The following NLRP9 variants were observed in gnomAD, a reference collection of about 807,000 sequenced individuals.
NLRP9 encodes the protein NLR family pyrin domain containing 9, also known as NACHT, LRR and PYD domains-containing protein 9.
A neutral mutation model predicts 83.1 loss-of-function variants in NLRP9; 88 were observed. The ratio of observed to expected loss-of-function variants is 1.06; its 90% CI spans 0.89 to 1.26. NLRP9 has a LOEUF of 1.26. Ranked by LOEUF, NLRP9 falls within the 50% of genes most tolerant of loss-of-function variation. The pLI is 0.00. For missense variants in NLRP9, 1,308 were observed against 1,179.3 expected (o/e 1.11, Z -1.60); for synonymous variants, 521 against 447.6 (o/e 1.16, Z -2.07).
intron 3 of NLRP9, among the ~76,000 whole-genome samples, chr19:55,725,502 G>A (rs921341943): frequency 6.6e-6 from 1 of 152,296 alleles, no homozygotes; most frequent in African/African-American, 2.4e-5. Flanking sequence ...GAGTAGGCCA[G>A]AATCAAAACA....
Position 55,715,119 on chromosome 19 carries a change from C to T in NLRP9, c.2437G>A (p.Asp813Asn). Residue 813 changes from aspartate (D) to asparagine (N), a missense_variant, in exon 6 of 9, where the codon GAT becomes AAT. Coordinates refer to ENST00000332836, the MANE Select transcript of NLRP9 (RefSeq NM_176820.4). ...LLDLGSNALEDNGVASLCAAL... is the reference protein window; with the variant it reads ...LLDLGSNALENNGVASLCAAL... ...GCACACAGAGATGCCACTCCATTAT[C>T]TTCCAGGGCATTTGAGCCCAGATCG... is the stretch of plus-strand genomic sequence containing the variant. 6.2e-7 allele frequency: 1 copy of T among 1,613,266 alleles called. No individual in the cohort carries two copies. Among genetic ancestry groups the T allele is most frequent in the Non-Finnish European group, 8.5e-7 (1 of 1,179,906 alleles).
At chr19:55,734,526 CATAT>C (rs34937854) in intron 1 of NLRP9, among the ~76,000 whole-genome samples, 18 of 107,826 alleles carry the variant, frequency 1.7e-4, no homozygotes, top group African/African-American at 3.9e-4. Context: ...TACACACACA[CATAT>C]ATATATATAT....
At chr19:55,713,315 T>C (rs991257333) in intron 6 of NLRP9, among the ~76,000 whole-genome samples, 8 of 151,786 alleles carry the variant, frequency 5.3e-5, no homozygotes, top group South Asian at 4.2e-4. Flanking sequence ...AAATGGTAGA[T>C]AGAGGACAGA....
chr19:55,734,008 C>T (rs1423622750), intron 1 of NLRP9, among the ~76,000 whole-genome samples: 8 of 148,520 alleles, frequency 5.4e-5, no homozygotes, highest in South Asian at 2.1e-4. Context: ...CTGCAAGCTC[C>T]GCCTCCCGGG....
At chr19:55,710,748 C>T (rs974099910) in intron 8 of NLRP9, among the ~76,000 whole-genome samples, 1 of 152,180 alleles carries the variant, frequency 6.6e-6, no homozygotes, top group Admixed American at 6.6e-5. Context: ...GCTTCTTGTA[C>T]AGCCTGCAGA....
At chr19:55,729,050 CTTT>C (rs374589373) in intron 3 of NLRP9, among the ~76,000 whole-genome samples, 33 of 70,248 alleles carry the variant, frequency 4.7e-4, no homozygotes, top group African/African-American at 8.7e-4. Context: ...TTTTCTTTTT[CTTT>C]TTTTTTTTTT....
rs1352193108 is a variant in NLRP9, at chr19:55,715,057, C to T, written c.2499G>A (p.Leu833=). 3.7e-6 allele frequency: 6 copies of T among 1,606,126 alleles called. No homozygotes were observed. The highest frequency in any genetic ancestry group is 5.1e-6 in the Non-Finnish European group (6 of 1,176,782). Reference sequence around the variant, plus strand: ...AAGCAAATCATGGCCGGTCCTACCACAGCTCCCGTATGCTGCAGCCTGGGT... The same window carrying T: ...AAGCAAATCATGGCCGGTCCTACCATAGCTCCCGTATGCTGCAGCCTGGGT... ...LKHPGCSIRE[L]WLMGCFLTSD... The change falls in exon 6 of 9, where the codon CTG becomes CTA. Residue 833 remains leucine, a splice_region_variant and synonymous_variant. Transcript: ENST00000332836.
rs1355839360 is a variant in NLRP9, at chr19:55,708,776, T to C, written c.*136A>G. 2 of 591,900 alleles carry C rather than the reference T, an allele frequency of 3.4e-6. No individual in the cohort carries two copies. Among genetic ancestry groups the C allele is most frequent in the Non-Finnish European group, 5.8e-6 (2 of 342,178 alleles). 36.7% of individuals were successfully genotyped at this position (591,900 alleles called of 1,614,324 possible). A position where few individuals can be genotyped will look rare whatever the true frequency, so the allele number is the denominator to read the frequency against. On this transcript the variant is annotated 3_prime_UTR_variant, in exon 9 of 9. Coordinates refer to ENST00000332836, the MANE Select transcript of NLRP9 (RefSeq NM_176820.4). ...GAATCACACTCCATAATCATATTGC[T>C]AGAACACTTAGGGAGTACCTCTGAA...
At chr19:55,725,617 C>T (rs1402476243) in intron 3 of NLRP9, among the ~76,000 whole-genome samples, 2 of 152,110 alleles carry the variant, frequency 1.3e-5, no homozygotes, top group East Asian at 3.8e-4. Flanking sequence ...GTACCACCTG[C>T]CCGGAGATAA....
At position 55,733,142 on chromosome 19, in the gene NLRP9, A is replaced by G; in HGVS notation, c.689T>C (p.Phe230Ser). The change falls in exon 2 of 9, where the codon TTT becomes TCT. Residue 230 changes from phenylalanine (F) to serine (S), a missense_variant. Physicochemically the swap from Phe to Ser is radical, Grantham distance 155. Transcript: ENST00000332836. ...PERILFIMDG[F>S]EQLKFNLQLK... ...TTGTAAGTTAAACTTCAGTTGCTCAAAGCCATCCATGATGAACAGAATTCT... is the reference window on the plus strand; with the variant it reads ...TTGTAAGTTAAACTTCAGTTGCTCAGAGCCATCCATGATGAACAGAATTCT... 2.5e-6 allele frequency: 4 copies of G among 1,614,156 alleles called. No homozygotes were observed. Among genetic ancestry groups the G allele is most frequent in the Non-Finnish European group, 3.4e-6 (4 of 1,180,022 alleles).
chr19:55,716,893 C>T lies in NLRP9; in HGVS notation c.2165G>A (p.Gly722Glu). The change falls in exon 5 of 9, where the codon GGA becomes GAA. Residue 722 changes from glycine (G) to glutamate (E), a missense_variant. By Grantham distance (98) the Gly-to-Glu change is moderately conservative (BLOSUM62 -2). Coordinates refer to ENST00000332836, the MANE Select transcript of NLRP9 (RefSeq NM_176820.4). Reference protein sequence around the residue: ...PMCKIEELILGKCDISSEVCE... With the variant: ...PMCKIEELILEKCDISSEVCE... The stretch of plus-strand genomic sequence containing the variant: ...AACTTCACTGGAGATGTCACACTTT[C>T]CCAGTCTACATGTGAAACACACACC... 2 of 1,613,534 alleles carry T rather than the reference C, an allele frequency of 1.2e-6. No individual in the cohort carries two copies. The highest frequency in any genetic ancestry group is 1.7e-6 in the Non-Finnish European group (2 of 1,179,668).
intron 8 of NLRP9, among the ~76,000 whole-genome samples, chr19:55,710,325 C>A (rs1348032468): frequency 6.6e-6 from 1 of 152,164 alleles, no homozygotes; most frequent in Non-Finnish European, 1.5e-5. Flanking sequence ...TGCTATACAG[C>A]TCCCCGGGAC....
Position 55,722,685 on chromosome 19 carries a change from G to C in NLRP9, c.2159+1295C>G, listed in dbSNP as rs368890352. Among the ~76,000 whole-genome samples the C allele has an allele frequency of 3.5e-4, 54 of 152,208 alleles. No homozygotes were observed. The East Asian group carries it at 5.0e-3, about 14-fold the overall frequency. On this transcript the variant is annotated intron_variant, in intron 4 of 8. Transcript: ENST00000332836. ...TGGCCAGTGATTATTCTACTATAAAGATACATGCACATGTATGTTTACTGC... is the reference window on the plus strand; with the variant it reads ...TGGCCAGTGATTATTCTACTATAAACATACATGCACATGTATGTTTACTGC...
chr19:55,731,675 G>A (rs1160309487), intron 2 of NLRP9, among the ~76,000 whole-genome samples: 2 of 146,260 alleles, frequency 1.4e-5, no homozygotes, highest in African/African-American at 5.1e-5. Flanking sequence ...AGTAGGCCGA[G>A]ATCGCGCCAC....
intron 8 of NLRP9, 77 bp from the exon 9 acceptor site, chr19:55,709,121 ACCTCT>A: frequency 6.1e-6 from 6 of 984,752 alleles, no homozygotes; most frequent in South Asian, 5.4e-5. Context: ...TCTGATGTCT[ACCTCT>A]CCTCTCCTCT....
Position 55,733,473 on chromosome 19 carries a change from G to C in NLRP9, c.358C>G (p.Pro120Ala). Residue 120 changes from proline (P) to alanine (A), a missense_variant, in exon 2 of 9, where the codon CCT (proline) becomes GCT (alanine). Pro to Ala is a conservative substitution (Grantham distance 27, BLOSUM62 -1). Coordinates refer to ENST00000332836, the MANE Select transcript of NLRP9 (RefSeq NM_176820.4). Reference protein sequence around the residue: ...IWEKETCLHVPEHFYKETMKN... With the variant: ...IWEKETCLHVAEHFYKETMKN... Reference sequence around the variant, plus strand: ...ATGGTTTCTTTGTAGAAATGCTCAGGGACGTGAAGACAGGTTTCCTTCTCC... The same window carrying C: ...ATGGTTTCTTTGTAGAAATGCTCAGCGACGTGAAGACAGGTTTCCTTCTCC... 1 of 1,613,512 alleles carries C rather than the reference G, an allele frequency of 6.2e-7. No homozygotes were observed. The highest frequency in any genetic ancestry group is 2.2e-5 in the East Asian group (1 of 44,892).
At chr19:55,719,845 C>A (rs2122301161) in intron 4 of NLRP9, among the ~76,000 whole-genome samples, 1 of 152,150 alleles carries the variant, frequency 6.6e-6, no homozygotes, top group South Asian at 2.1e-4. Flanking sequence ...AATACCAAAA[C>A]CACACACAAT....
intron 1 of NLRP9, among the ~76,000 whole-genome samples, chr19:55,735,425 T>TA (rs965361224): frequency 6.6e-6 from 1 of 152,042 alleles, no homozygotes; most frequent in African/African-American, 2.4e-5. Context: ...CCATCTCTAT[T>TA]AAAAAATTAA....
Position 55,738,175 on chromosome 19 carries a change from T to C in NLRP9, c.200A>G (p.Gln67Arg), listed in dbSNP as rs1988835415. Residue 67 changes from glutamine to arginine, a missense_variant, in exon 1 of 9, where the codon CAG (glutamine) becomes CGG (arginine). Coordinates refer to ENST00000332836, the MANE Select transcript of NLRP9 (RefSeq NM_176820.4). ...KLLDKHYPGKQAWEVTLNLFL... is the reference protein window; with the variant it reads ...KLLDKHYPGKRAWEVTLNLFL... Reference sequence around the variant, plus strand: ...CAGGTTCAGTGTTACCTCCCATGCCTGCTTTCCTGGGTAATGTTTGTCCAG... The same window carrying C: ...CAGGTTCAGTGTTACCTCCCATGCCCGCTTTCCTGGGTAATGTTTGTCCAG... The C allele has an allele frequency of 6.2e-7, 1 of 1,613,988 alleles. No homozygotes were observed. The highest frequency in any genetic ancestry group is 1.1e-5 in the South Asian group (1 of 91,088).
Sources: allele counts gnomAD v4.1 joint callset (sites outside exome capture counted in the v4.1 genomes callset), GRCh38; gene constraint gnomAD v4.1.1; transcripts MANE v1.5; gene names NCBI Gene and HGNC (gene_info 2026-07-23, HGNC 2026-07-21).